The following PARD3 variants were observed in gnomAD, a reference collection of about 807,000 sequenced individuals.
PARD3 encodes the protein partitioning defective 3 homolog.
In PARD3, 75 loss-of-function variants were observed where a neutral mutation model predicts 155.4. That is an observed-to-expected ratio of 0.48 (90% confidence interval 0.40 to 0.58). The LOEUF is 0.58. Ranked by LOEUF, PARD3 falls within the 20% of genes least tolerant of loss-of-function variation. The pLI, the probability that PARD3 is intolerant of heterozygous loss-of-function variation, is 0.00. For synonymous variants in PARD3, 576 were observed against 610.5 expected (o/e 0.94, Z 0.83); for missense variants, 1,642 against 1,721.7 (o/e 0.95, Z 0.82).
At chr10:34,708,859 T>A (rs2094407851) in intron 1 of PARD3, among the ~76,000 whole-genome samples, 1 of 152,162 alleles carries the variant, frequency 6.6e-6, no homozygotes, top group Non-Finnish European at 1.5e-5. Context: ...AATTTTAATA[T>A]GAGCTCAATA....
chr10:34,326,607 T>C (rs1425473709), intron 19 of PARD3, among the ~76,000 whole-genome samples: 1 of 152,198 alleles, frequency 6.6e-6, no homozygotes, highest in Non-Finnish European at 1.5e-5. Context: ...GAAAGGTGGC[T>C]AGAAGTGGGT....
intron 21 of PARD3, among the ~76,000 whole-genome samples, chr10:34,281,381 C>T (rs529148320): frequency 5.3e-5 from 8 of 152,140 alleles, no homozygotes; most frequent in South Asian, 2.1e-4. Flanking sequence ...AATAGCATGT[C>T]GGAAAACCTG....
chr10:34,811,689 T>C (rs1025802110), intron 1 of PARD3, among the ~76,000 whole-genome samples: 1 of 152,236 alleles, frequency 6.6e-6, no homozygotes, highest in African/African-American at 2.4e-5. Flanking sequence ...ATACTTTTTT[T>C]TGAAAATTGC....
At chr10:34,197,444 A>T (rs1428080711) in intron 22 of PARD3, among the ~76,000 whole-genome samples, 1 of 152,088 alleles carries the variant, frequency 6.6e-6, no homozygotes, top group African/African-American at 2.4e-5. Context: ...GCCCATTCCC[A>T]CCAAACAAAC....
intron 2 of PARD3, among the ~76,000 whole-genome samples, chr10:34,651,250 G>GTCT (rs1269078634): frequency 6.6e-6 from 1 of 152,104 alleles, no homozygotes; most frequent in Non-Finnish European, 1.5e-5. Flanking sequence ...TACTTTCCAT[G>GTCT]TCTTCTTTTT....
chr10:34,738,478 C>T (rs1351012776), intron 1 of PARD3, among the ~76,000 whole-genome samples: 1 of 151,776 alleles, frequency 6.6e-6, no homozygotes, highest in Non-Finnish European at 1.5e-5. Context: ...CCTCACATGG[C>T]CTCAGAATCC....
At chr10:34,615,113 G>A (rs906273311) in intron 2 of PARD3, among the ~76,000 whole-genome samples, 1 of 152,098 alleles carries the variant, frequency 6.6e-6, no homozygotes, top group South Asian at 2.1e-4. Flanking sequence ...CCTGGGAGGC[G>A]GAAATTGCAG....
intron 1 of PARD3, among the ~76,000 whole-genome samples, chr10:34,729,912 C>T (rs2094787402): frequency 6.6e-6 from 1 of 152,094 alleles, no homozygotes; most frequent in African/African-American, 2.4e-5. Context: ...AAAGATCCTT[C>T]CTTCCGATAA....
intron 22 of PARD3, among the ~76,000 whole-genome samples, chr10:34,134,724 T>C (rs992304077): frequency 7.9e-5 from 12 of 151,596 alleles, no homozygotes; most frequent in Admixed American, 4.0e-4. Flanking sequence ...ATGGCTGAAG[T>C]TGGAAAACAG....
chr10:34,615,729 T>C (rs1167483357), intron 2 of PARD3, among the ~76,000 whole-genome samples: 1 of 152,062 alleles, frequency 6.6e-6, no homozygotes, highest in Non-Finnish European at 1.5e-5. Flanking sequence ...ATACGATATA[T>C]AAGAAACGCA....
intron 2 of PARD3, among the ~76,000 whole-genome samples, chr10:34,565,600 C>T (rs754726671): frequency 3.3e-5 from 5 of 152,048 alleles, no homozygotes; most frequent in Admixed American, 6.5e-5. Flanking sequence ...AAATAACTTG[C>T]TCTTTAACAA....
chr10:34,394,997 T>G (rs1843180844), intron 7 of PARD3, among the ~76,000 whole-genome samples: 1 of 152,146 alleles, frequency 6.6e-6, no homozygotes, highest in South Asian at 2.1e-4. Flanking sequence ...ATAACCTTCC[T>G]GAAAATAGTG....
Position 34,249,685 on chromosome 10 carries a change from G to T in PARD3, c.3419+19972C>A, listed in dbSNP as rs139324703. 3.7e-4 allele frequency among the ~76,000 whole-genome samples: 57 copies of T among 152,198 alleles called. No individual in the cohort carries two copies. The East Asian group carries it at 0.01, about 28-fold the overall frequency. On this transcript the variant is annotated intron_variant, in intron 22 of 24. Coordinates refer to ENST00000374788, the MANE Select transcript of PARD3 (RefSeq NM_001184785.2). ...CAACCATATGTCCCCCACCCTGTAT[G>T]GTCTGTCTCTGGCTCTGATCTGATC...
At chr10:34,741,189 TTTTTTG>T (rs2095009337) in intron 1 of PARD3, among the ~76,000 whole-genome samples, 1 of 140,058 alleles carries the variant, frequency 7.1e-6, no homozygotes. Context: ...TTTTTTTTTT[TTTTTTG>T]TTTGAGAGAG....
intron 2 of PARD3, among the ~76,000 whole-genome samples, chr10:34,664,805 CA>C (rs1446163198): frequency 6.6e-6 from 1 of 152,038 alleles, no homozygotes; most frequent in African/African-American, 2.4e-5. Flanking sequence ...TTTTCTTAGT[CA>C]AATTAGCAAT....
intron 2 of PARD3, among the ~76,000 whole-genome samples, chr10:34,678,156 C>T (rs564371073): frequency 5.9e-5 from 9 of 152,254 alleles, no homozygotes; most frequent in Non-Finnish European, 1.0e-4. Flanking sequence ...TCACTGCAGC[C>T]TCAACCTCCC....
Position 34,430,905 on chromosome 10 carries a change from C to T in PARD3, c.714+19412G>A, listed in dbSNP as rs943364639. ...ACAGGGTGTGACACAGAGGGAGCACCGCAACATCTTTTACTCCACAGAAAT... is the reference window on the plus strand; with the variant it reads ...ACAGGGTGTGACACAGAGGGAGCACTGCAACATCTTTTACTCCACAGAAAT... On this transcript the variant is annotated intron_variant, in intron 5 of 24. Transcript: ENST00000374788. Among the ~76,000 whole-genome samples, 6 of 152,152 alleles carry T rather than the reference C, an allele frequency of 3.9e-5. No homozygotes were observed. The East Asian group carries it at 7.7e-4, about 20-fold the overall frequency.
At chr10:34,277,037 A>G (rs1955919069) in intron 21 of PARD3, among the ~76,000 whole-genome samples, 1 of 152,184 alleles carries the variant, frequency 6.6e-6, no homozygotes, top group South Asian at 2.1e-4. Context: ...GGATCTTGCA[A>G]TCAACTCTTT....
In PARD3 at chr10:34,184,864, T is replaced by G. The variant is rs3740238; in HGVS notation, c.3420-53281A>C. On this transcript the variant is annotated intron_variant, in intron 22 of 24. Coordinates refer to ENST00000374788, the MANE Select transcript of PARD3 (RefSeq NM_001184785.2). ...TTTGGAGGAGATAAGACAGAGGTCTTGACTTTTAGAAAGTTCACTGCATCC... is the reference window on the plus strand; with the variant it reads ...TTTGGAGGAGATAAGACAGAGGTCTGGACTTTTAGAAAGTTCACTGCATCC... Among the ~76,000 whole-genome samples, 168 of 152,322 alleles carry G rather than the reference T, an allele frequency of 1.1e-3. 7 individuals are homozygous for G. In the East Asian group the frequency reaches 0.03, roughly 27 times the overall value.
Sources: allele counts gnomAD v4.1 joint callset (sites outside exome capture counted in the v4.1 genomes callset), GRCh38; gene constraint gnomAD v4.1.1; transcripts MANE v1.5; gene names NCBI Gene and HGNC (gene_info 2026-07-23, HGNC 2026-07-21).